IL34: variants seen among roughly 807,000 people sequenced by gnomAD.
IL34 encodes the protein interleukin-34.
A neutral mutation model predicts 25.3 loss-of-function variants in IL34; 17 were observed. That is an observed-to-expected ratio of 0.67 (90% CI 0.46 to 1.01). The LOEUF (loss-of-function observed/expected upper bound fraction) is 1.01, where lower values mean the gene tolerates loss of function less well. Among genes scored for constraint, IL34 ranks in the 50% least tolerant of loss-of-function variants. The probability of loss-of-function intolerance (pLI) is 0.00; values close to 1 mark genes in which losing one functional copy is unlikely to be tolerated. For missense variants in IL34, 368 were observed against 312.9 expected (o/e 1.18, Z -1.33); for synonymous variants, 174 against 140.9 (o/e 1.23, Z -1.66).
chr16:70,647,054 C>T (rs2051952837), intron 1 of IL34, 79 bp downstream of exon 1: 2 of 1,246,856 alleles, frequency 1.6e-6, no homozygotes, highest in Non-Finnish European at 2.1e-6. Context: ...CCATAGCAAC[C>T]AGGGCATTCT....
chr16:70,636,985 T>A (rs1044025793), intron 1 of IL34, among the ~76,000 whole-genome samples: 8 of 152,104 alleles, frequency 5.3e-5, no homozygotes, highest in Admixed American at 3.9e-4. Context: ...GTTCATGCCA[T>A]TCTCCTGCCT....
At chr16:70,601,955 C>T (rs1373927540) in intron 1 of IL34, among the ~76,000 whole-genome samples, 1 of 152,236 alleles carries the variant, frequency 6.6e-6, no homozygotes, top group Non-Finnish European at 1.5e-5. Flanking sequence ...CACTTTCCAG[C>T]TTTTGAGGAG....
In IL34 at chr16:70,654,605, T is replaced by A. The variant is rs747796792; in HGVS notation, c.96T>A (p.Asn32Lys). 1.2e-6 allele frequency: 2 copies of A among 1,613,692 alleles called. No individual in the cohort carries two copies. Among genetic ancestry groups the A allele is most frequent in the Non-Finnish European group, 1.7e-6 (2 of 1,179,726 alleles). Residue 32 changes from asparagine to lysine, a missense_variant, in exon 2 of 6, where the codon AAT becomes AAA. Physicochemically the swap from Asn to Lys is moderately conservative, Grantham distance 94. Transcript: ENST00000288098. The stretch of plus-strand genomic sequence containing the variant: ...TGGAGATGTGGCCCTTGACGCAGAA[T>A]GAGGAGTGCACTGTCACGGGTTTTC... ...EPLEMWPLTQ[N>K]EECTVTGFLR...
At position 70,660,012 on chromosome 16, in the gene IL34, T is replaced by A; in HGVS notation, c.554T>A (p.Val185Asp). 1 of 1,596,842 alleles carries A rather than the reference T, an allele frequency of 6.3e-7. No homozygotes were observed. The highest frequency in any genetic ancestry group is 8.5e-7 in the Non-Finnish European group (1 of 1,174,292). The change falls in exon 6 of 6, where the codon GTC becomes GAC. Residue 185 changes from valine (V) to aspartate (D), a missense_variant. Coordinates refer to ENST00000288098, the MANE Select transcript of IL34 (RefSeq NM_001393494.1). ...LYCSCCKQSS[V>D]LNWQDCEVPS... ...TCTCTTGCAGGTAAACAAAGCTCCG[T>A]CCTAAACTGGCAGGACTGTGAGGTG...
chr16:70,617,262 TAG>T (rs770822723), intron 1 of IL34, among the ~76,000 whole-genome samples: 12 of 152,108 alleles, frequency 7.9e-5, no homozygotes, highest in Non-Finnish European at 1.8e-4. Context: ...GACATCTGAT[TAG>T]AGAGTGCCTA....
chr16:70,657,946 G>T (rs543284568), intron 4 of IL34, among the ~76,000 whole-genome samples: 2 of 152,318 alleles, frequency 1.3e-5, no homozygotes, highest in Admixed American at 1.3e-4. Flanking sequence ...CCCGCTCAGA[G>T]AAATTGATCT....
At chr16:70,641,531 C>T (rs1309351987) in intron 1 of IL34, among the ~76,000 whole-genome samples, 1 of 143,870 alleles carries the variant, frequency 7.0e-6, no homozygotes, top group South Asian at 2.3e-4. Flanking sequence ...CTTCCTCCCT[C>T]CCTCCCTTCC....
chr16:70,645,589 C>G (rs2051907331), upstream of IL34, among the ~76,000 whole-genome samples: 2 of 152,096 alleles, frequency 1.3e-5, no homozygotes, highest in Admixed American at 1.3e-4. Flanking sequence ...GTGTGGTTGT[C>G]GAATTTTGGG....
upstream of IL34, among the ~76,000 whole-genome samples, chr16:70,645,158 GAGAAGGAGGAAGA>G (rs1304582896): frequency 2.7e-5 from 4 of 150,008 alleles, no homozygotes; most frequent in Non-Finnish European, 5.9e-5. Context: ...GGAGGAGGAA[GAGAAGGAGGAAGA>G]GGAAGGAGGA....
At chr16:70,582,438 G>C (rs2050646070) in intron 1 of IL34, among the ~76,000 whole-genome samples, 1 of 152,276 alleles carries the variant, frequency 6.6e-6, no homozygotes, top group African/African-American at 2.4e-5. Context: ...AGCAGAAGGA[G>C]CGTAGGCTCT....
chr16:70,618,949 A>T (rs1018517929), intron 1 of IL34, among the ~76,000 whole-genome samples: 1 of 152,186 alleles, frequency 6.6e-6, no homozygotes, highest in Non-Finnish European at 1.5e-5. Context: ...TAAAGAAAGC[A>T]TGTTTGAGAT....
Position 70,646,862 on chromosome 16 carries a change from C to T in IL34, c.-86C>T, listed in dbSNP as rs1029195656. 1.5e-5 allele frequency: 20 copies of T among 1,319,588 alleles called. No homozygotes were observed. In the African/African-American group the frequency reaches 1.6e-4, roughly 10 times the overall value. The allele number at this position is 1,319,588 out of a possible 1,614,324, so 81.7% of individuals were successfully genotyped here. On this transcript the variant is annotated 5_prime_UTR_variant, in exon 1 of 6. Transcript: ENST00000288098. ...GACTGAGTGACCACCTCTGCTGCCCCGAGGCCATGTAGGCCGTGCTTAGGC... is the reference window on the plus strand; with the variant it reads ...GACTGAGTGACCACCTCTGCTGCCCTGAGGCCATGTAGGCCGTGCTTAGGC...
At chr16:70,622,434 A>G (rs1343951414) in intron 1 of IL34, among the ~76,000 whole-genome samples, 1 of 149,784 alleles carries the variant, frequency 6.7e-6, no homozygotes, top group Non-Finnish European at 1.5e-5. Context: ...CCTTGAGGAT[A>G]GATTTCCACG....
intron 1 of IL34, among the ~76,000 whole-genome samples, chr16:70,638,845 A>G (rs573622856): frequency 9.2e-5 from 14 of 152,130 alleles, no homozygotes; most frequent in Admixed American, 5.2e-4. Flanking sequence ...GCCTCCGAAA[A>G]TGCTGGAATT....
Position 70,646,824 on chromosome 16 carries a change from C to A in IL34, c.-124C>A, listed in dbSNP as rs2079971029. On this transcript the variant is annotated 5_prime_UTR_variant, in exon 1 of 6. Coordinates refer to ENST00000288098, the MANE Select transcript of IL34 (RefSeq NM_001393494.1). ...CCGCAGCCCAGCCACTCCTCCAGGG[C>A]CAGCCCTTCCCTGACTGAGTGACCA... is the stretch of plus-strand genomic sequence containing the variant. 2.1e-6 allele frequency: 2 copies of A among 935,978 alleles called. No individual in the cohort carries two copies. The highest frequency in any genetic ancestry group is 3.6e-5 in the South Asian group (2 of 54,956). The allele number at this position is 935,978 out of a possible 1,614,324, so 58.0% of individuals were successfully genotyped here.
At chr16:70,657,805 A>G (rs1318817716) in intron 4 of IL34, among the ~76,000 whole-genome samples, 3 of 152,232 alleles carry the variant, frequency 2.0e-5, no homozygotes, top group Admixed American at 2.0e-4. Flanking sequence ...ACTATGCTGT[A>G]TAATGCATTC....
At chr16:70,607,422 G>T (rs1227916541) in intron 1 of IL34, among the ~76,000 whole-genome samples, 1 of 152,082 alleles carries the variant, frequency 6.6e-6, no homozygotes, top group African/African-American at 2.4e-5. Flanking sequence ...CTATATAGAT[G>T]ATCCTATCAT....
At chr16:70,636,620 C>T (rs886667783) in intron 1 of IL34, among the ~76,000 whole-genome samples, 10 of 137,736 alleles carry the variant, frequency 7.3e-5, no homozygotes, top group Non-Finnish European at 1.1e-4. Flanking sequence ...CACACACACA[C>T]ACACACACAA....
intron 1 of IL34, among the ~76,000 whole-genome samples, chr16:70,622,956 G>C (rs1161473259): frequency 6.6e-6 from 1 of 152,034 alleles, no homozygotes; most frequent in African/African-American, 2.4e-5. Context: ...GTGCGGTCCT[G>C]GCTCTTGTAT....
Sources: allele counts gnomAD v4.1 joint callset (sites outside exome capture counted in the v4.1 genomes callset), GRCh38; gene constraint gnomAD v4.1.1; transcripts MANE v1.5; gene names NCBI Gene and HGNC (gene_info 2026-07-23, HGNC 2026-07-21).